DCDC1: variants seen among roughly 807,000 people sequenced by gnomAD.
DCDC1 encodes doublecortin domain containing 1, also known as doublecortin domain-containing protein 1.
A neutral mutation model predicts 178.3 loss-of-function variants in DCDC1; 200 were observed. The ratio of observed to expected loss-of-function variants is 1.12; its 90% confidence interval spans 1.00 to 1.26. The LOEUF is 1.26. DCDC1 is among the 50% of genes most tolerant of loss of function. The pLI, the probability that DCDC1 is intolerant of heterozygous loss-of-function variation, is 0.00. For synonymous variants in DCDC1, 690 were observed against 604.8 expected, an observed-to-expected ratio of 1.14 and a Z score of -2.07; for missense variants, 1,983 against 1,749.2, an observed-to-expected ratio of 1.13 and a Z score of -2.38.
intron 8 of DCDC1, among the ~76,000 whole-genome samples, chr11:31,257,338 A>G (rs1944477072): frequency 6.6e-6 from 1 of 152,206 alleles, no homozygotes; most frequent in Non-Finnish European, 1.5e-5. Context: ...AGTAGGCTCT[A>G]CATTTTATCG....
intron 9 of DCDC1, among the ~76,000 whole-genome samples, chr11:31,185,072 T>C (rs911727483): frequency 3.9e-5 from 6 of 152,196 alleles, no homozygotes; most frequent in African/African-American, 1.4e-4. Flanking sequence ...TGGAATACTA[T>C]GCAGCCATAA....
intron 7 of DCDC1, among the ~76,000 whole-genome samples, chr11:31,289,938 C>T (rs1485538006): frequency 1.3e-5 from 2 of 151,940 alleles, no homozygotes; most frequent in African/African-American, 4.8e-5. Flanking sequence ...ACATTTGTTA[C>T]TATATTATTA....
intron 33 of DCDC1, 61 bp from the exon 34 acceptor site, chr11:30,899,703 T>C: frequency 8.4e-7 from 1 of 1,189,340 alleles, no homozygotes; most frequent in Non-Finnish European, 1.1e-6. Flanking sequence ...CACCAATAAT[T>C]TATAAAGAAC....
At chr11:31,233,766 G>T (rs1343948120) in intron 9 of DCDC1, among the ~76,000 whole-genome samples, 1 of 152,144 alleles carries the variant, frequency 6.6e-6, no homozygotes, top group African/African-American at 2.4e-5. Flanking sequence ...CATGTTAAAA[G>T]ATTTGTCACC....
At chr11:30,986,335 TC>T (rs199610736) in intron 20 of DCDC1, among the ~76,000 whole-genome samples, 3,176 of 146,868 alleles carry the variant, frequency 0.022, 132 homozygotes, top group African/African-American at 0.077. Context: ...TTTCTCTCTC[TC>T]TTTTTTTTTT....
chr11:31,352,728 C>A (rs1951137039), intron 1 of DCDC1, among the ~76,000 whole-genome samples: 1 of 152,122 alleles, frequency 6.6e-6, no homozygotes, highest in South Asian at 2.1e-4. Flanking sequence ...ATTCTGCTAC[C>A]TTTAGTATTC....
At chr11:31,294,809 A>AGAAG (rs1491403342) in intron 6 of DCDC1, among the ~76,000 whole-genome samples, 93 of 50,900 alleles carry the variant, frequency 1.8e-3, no homozygotes, top group Admixed American at 3.7e-3. Context: ...AAAGAAAGAA[A>AGAAG]GAAAGAAAGA....
At chr11:31,026,230 T>C (rs974480387) in intron 20 of DCDC1, among the ~76,000 whole-genome samples, 5 of 151,708 alleles carry the variant, frequency 3.3e-5, no homozygotes, top group African/African-American at 1.2e-4. Context: ...GCCATAAATA[T>C]AGGACTTACA....
chr11:31,202,612 A>C (rs922861494), intron 9 of DCDC1, among the ~76,000 whole-genome samples: 2 of 152,142 alleles, frequency 1.3e-5, no homozygotes, highest in Admixed American at 1.3e-4. Flanking sequence ...ATCCAAGACA[A>C]CTTGGTACTT....
intron 21 of DCDC1, among the ~76,000 whole-genome samples, chr11:30,941,804 A>G (rs929592342): frequency 6.6e-6 from 1 of 152,158 alleles, no homozygotes; most frequent in African/African-American, 2.4e-5. Flanking sequence ...ATCATGAGGC[A>G]CAAATTTGTG....
chr11:31,321,403 G>A (rs1184795706), intron 3 of DCDC1, among the ~76,000 whole-genome samples: 1 of 148,292 alleles, frequency 6.7e-6, no homozygotes, highest in African/African-American at 2.5e-5. Context: ...ATTCGGGTGG[G>A]AGTGACCCGA....
In DCDC1 at chr11:30,931,931, C is replaced by T. The variant is rs895720407; in HGVS notation, c.2737G>A (p.Gly913Arg). Residue 913 changes from glycine (G) to arginine (R), a missense_variant, in exon 22 of 39, where the codon GGA becomes AGA. Gly to Arg is a moderately radical substitution (Grantham distance 125). Coordinates refer to ENST00000684477, the MANE Select transcript of DCDC1 (RefSeq NM_001387274.1). ...GGAGGACTGCTCGGAACAAGCAGTC[C>T]TTGTATTGGCCAATCAAACTCCTTC... ...LNEEFDWPIQGLLVPSSPPMK... is the reference protein window; with the variant it reads ...LNEEFDWPIQRLLVPSSPPMK... 6.2e-7 allele frequency: 1 copy of T among 1,609,234 alleles called. No individual in the cohort carries two copies. Among genetic ancestry groups the T allele is most frequent in the South Asian group, 1.1e-5 (1 of 90,210 alleles).
rs578195823 is a variant in DCDC1 at position 30,865,939 on chromosome 11, T to G, written c.*41-607A>C. 2.4e-4 allele frequency among the ~76,000 whole-genome samples: 36 copies of G among 152,296 alleles called. No individual in the cohort carries two copies. The South Asian group carries it at 3.3e-3, about 14-fold the overall frequency. On this transcript the variant is annotated intron_variant, in intron 38 of 38. Coordinates refer to ENST00000684477, the MANE Select transcript of DCDC1 (RefSeq NM_001387274.1). ...ATTTTTGTTACTGATTATTATGGGTTGAATTGCATTCCCCCAAAATTCACA... is the reference window on the plus strand; with the variant it reads ...ATTTTTGTTACTGATTATTATGGGTGGAATTGCATTCCCCCAAAATTCACA...
intron 1 of DCDC1, among the ~76,000 whole-genome samples, chr11:31,358,057 T>C (rs1027010603): frequency 2.0e-5 from 3 of 151,628 alleles, no homozygotes; most frequent in African/African-American, 4.8e-5. Context: ...AAGCTACCAA[T>C]GACTTTCTTC....
chr11:31,199,987 T>G (rs1971105214), intron 9 of DCDC1, among the ~76,000 whole-genome samples: 1 of 152,118 alleles, frequency 6.6e-6, no homozygotes, highest in Non-Finnish European at 1.5e-5. Flanking sequence ...CATAGATATA[T>G]AGTTGATCAA....
chr11:31,094,875 T>C (rs1252960645), intron 15 of DCDC1, among the ~76,000 whole-genome samples: 1 of 152,092 alleles, frequency 6.6e-6, no homozygotes, highest in African/African-American at 2.4e-5. Context: ...ACACGTGCCA[T>C]GGTGGTTTGC....
intron 9 of DCDC1, among the ~76,000 whole-genome samples, chr11:31,151,625 A>T (rs1451568983): frequency 6.6e-6 from 1 of 152,242 alleles, no homozygotes; most frequent in East Asian, 1.9e-4. Context: ...GGTGCTGTTA[A>T]CAGTTTTGTA....
chr11:30,924,119 T>G (rs1946442067), intron 23 of DCDC1, among the ~76,000 whole-genome samples: 1 of 152,212 alleles, frequency 6.6e-6, no homozygotes, highest in Non-Finnish European at 1.5e-5. Context: ...CATCTATACT[T>G]ACCATTAAAT....
intron 9 of DCDC1, among the ~76,000 whole-genome samples, chr11:31,155,000 TG>T (rs1168085891): frequency 1.3e-5 from 2 of 152,214 alleles, no homozygotes; most frequent in African/African-American, 4.8e-5. Context: ...TGTATAAACT[TG>T]TAACTAATAT....
Sources: gnomAD v4.1 joint callset for allele counts (sites outside exome capture counted in the v4.1 genomes callset) on GRCh38, gnomAD v4.1.1 for gene constraint, MANE v1.5 for transcripts, NCBI Gene and HGNC (gene_info 2026-07-23, HGNC 2026-07-21) for gene names.